Variants in SND1 observed in about 807,000 individuals in gnomAD.
The protein encoded by SND1 is staphylococcal nuclease domain-containing protein 1.
SND1 carries 38 observed loss-of-function variants against 121.7 expected under a neutral mutation model. That is an observed-to-expected ratio of 0.31 (90% confidence interval 0.24 to 0.41). The LOEUF is 0.41. Ranked by LOEUF, SND1 falls within the 10% of genes least tolerant of loss-of-function variation. The pLI is 1.00. For missense variants in SND1, 868 were observed against 1,184.6 expected (o/e 0.73, Z 3.92); for synonymous variants, 401 against 447.4 (o/e 0.90, Z 1.31).
Position 128,029,610 on chromosome 7 carries a change from T to C in SND1, c.1779+38554T>C. 2 of 1,614,004 alleles carry C rather than the reference T, an allele frequency of 1.2e-6. No homozygotes were observed. The highest frequency in any genetic ancestry group is 1.7e-6 in the Non-Finnish European group (2 of 1,180,012). On this transcript the variant is annotated intron_variant, in intron 16 of 23. Coordinates refer to ENST00000354725, the MANE Select transcript of SND1 (RefSeq NM_014390.4). The surrounding 1 kb of genome is among the most constrained non-coding windows in gnomAD (Gnocchi z 4.2). Reference sequence around the variant, plus strand: ...GGCAGAGCACTGGAAGGAGGCCTGGTCCACCTCCACGAGGTAGCGGCCTCG... The same window carrying C: ...GGCAGAGCACTGGAAGGAGGCCTGGCCCACCTCCACGAGGTAGCGGCCTCG...
chr7:128,074,613 C>T lies in SND1; in HGVS notation c.1891C>T (p.His631Tyr). 3 of 1,613,906 alleles carry T rather than the reference C, an allele frequency of 1.9e-6. No homozygotes were observed. The highest frequency in any genetic ancestry group is 1.7e-6 in the Non-Finnish European group (2 of 1,180,010). Residue 631 changes from histidine to tyrosine, a missense_variant, in exon 17 of 24, where the codon CAC (histidine) becomes TAC (tyrosine). Transcript: ENST00000354725. ...GGTGGAGCACGCGCTCTCCAAGGTCCACTTCACCGCCGAACGCAGCTCCTA... is the reference window on the plus strand; with the variant it reads ...GGTGGAGCACGCGCTCTCCAAGGTCTACTTCACCGCCGAACGCAGCTCCTA... ...LLVEHALSKV[H>Y]FTAERSSYYK... is the part of the protein sequence containing the mutation.
At chr7:127,792,750 C>T (rs749888606) in intron 10 of SND1, among the ~76,000 whole-genome samples, 6 of 152,176 alleles carry the variant, frequency 3.9e-5, no homozygotes, top group Non-Finnish European at 7.4e-5. Flanking sequence ...TTGATTGGTT[C>T]TGATGAATCT....
rs570153237 is a variant in SND1, at chr7:128,030,503, G to A, written c.1779+39447G>A. The A allele has an allele frequency of 5.0e-6, 8 of 1,613,406 alleles. No homozygotes were observed. In the African/African-American group the frequency reaches 5.3e-5, roughly 11 times the overall value. ...GGTTACTGCACGAGCAGACGGAGGG[G>A]CAGTTCTGGGGCCCGGCTGAGGCGG... On this transcript the variant is annotated intron_variant, in intron 16 of 23. Transcript: ENST00000354725.
chr7:127,899,729 A>C (rs1800190276), intron 13 of SND1, among the ~76,000 whole-genome samples: 1 of 152,186 alleles, frequency 6.6e-6, no homozygotes. Context: ...ATTCAGTCAA[A>C]GTGTGTGTAG....
At chr7:127,871,511 G>T (rs532593056) in intron 12 of SND1, among the ~76,000 whole-genome samples, 2 of 152,098 alleles carry the variant, frequency 1.3e-5, no homozygotes, top group South Asian at 4.2e-4. Flanking sequence ...ATCCACCTGC[G>T]TATATGTGCT....
intron 16 of SND1, among the ~76,000 whole-genome samples, chr7:128,022,345 A>C (rs900412406): frequency 6.6e-6 from 1 of 152,228 alleles, no homozygotes. Flanking sequence ...AGAATGAACA[A>C]ACCTGAAAGC....
At chr7:128,043,372 G>A (rs948118006) in intron 16 of SND1, among the ~76,000 whole-genome samples, 3 of 151,982 alleles carry the variant, frequency 2.0e-5, no homozygotes, top group African/African-American at 7.3e-5. Flanking sequence ...TCAGGAGTTC[G>A]AGACCAGCTT....
chr7:127,701,180 T>C lies in SND1; in HGVS notation c.446T>C (p.Leu149Pro). 1 of 1,613,996 alleles carries C rather than the reference T, an allele frequency of 6.2e-7. No homozygotes were observed. The highest frequency in any genetic ancestry group is 1.3e-5 in the African/African-American group (1 of 75,006). ...MRANNPEQNR[L>P]SECEEQAKAA... ...TGTCCCAGTCCTGAGCAGAACCGGC[T>C]TTCAGAATGTGAAGAACAAGCAAAG... The change falls in exon 5 of 24, where the codon CTT becomes CCT. Residue 149 changes from leucine (L) to proline (P), a missense_variant. Transcript: ENST00000354725.
intron 15 of SND1, among the ~76,000 whole-genome samples, chr7:127,973,731 A>T (rs986745636): frequency 3.3e-5 from 5 of 152,184 alleles, no homozygotes; most frequent in Admixed American, 1.3e-4. Context: ...TTCCACAATG[A>T]CCTGTGTGGA....
At chr7:127,921,087 G>T (rs1042630733) in intron 14 of SND1, among the ~76,000 whole-genome samples, 3 of 152,158 alleles carry the variant, frequency 2.0e-5, no homozygotes, top group Non-Finnish European at 2.9e-5. Context: ...TGAGAATTGG[G>T]TATTACTTTA....
chr7:128,045,381 C>G (rs537387166), intron 16 of SND1, among the ~76,000 whole-genome samples: 1 of 152,298 alleles, frequency 6.6e-6, no homozygotes, highest in African/African-American at 2.4e-5. Flanking sequence ...TCCCTATGGC[C>G]TCCATCCTGT....
At chr7:127,721,451 G>A (rs1302452220) in intron 10 of SND1, 51 bp downstream of exon 10, 1 of 1,039,094 alleles carries the variant, frequency 9.6e-7, no homozygotes, top group African/African-American at 1.6e-5. Context: ...AAAGGAAGAA[G>A]TTGGAGAATT....
Position 127,652,399 on chromosome 7 carries a change from G to T in SND1, c.26G>T (p.Gly9Val). The T allele has an allele frequency of 6.3e-7, 1 of 1,598,542 alleles. No individual in the cohort carries two copies. The highest frequency in any genetic ancestry group is 8.5e-7 in the Non-Finnish European group (1 of 1,173,328). ...ATGGCGTCCTCCGCGCAGAGCGGCG[G>T]CTCCTCCGGGGGACCCGCGGTCCCC... MASSAQSG[G>V]SSGGPAVPTV... The change falls in exon 1 of 24, where the codon GGC becomes GTC. Residue 9 changes from glycine (G) to valine (V), a missense_variant. Around this residue, in one of 2 missense-constraint regions of SND1, gnomAD observed 125 missense variants for 113.3 expected, o/e 1.10. Coordinates refer to ENST00000354725, the MANE Select transcript of SND1 (RefSeq NM_014390.4).
intron 10 of SND1, among the ~76,000 whole-genome samples, chr7:127,750,190 G>A (rs926355440): frequency 1.3e-5 from 2 of 152,228 alleles, no homozygotes; most frequent in Non-Finnish European, 2.9e-5. Context: ...ATTTGGTTAT[G>A]TAAAGATTCA....
chr7:127,854,777 G>C (rs902454872), intron 12 of SND1, among the ~76,000 whole-genome samples: 4 of 151,714 alleles, frequency 2.6e-5, no homozygotes, highest in Non-Finnish European at 5.9e-5. Context: ...TAATTCCTGT[G>C]GTCAGCACAG....
intron 15 of SND1, among the ~76,000 whole-genome samples, chr7:127,938,538 GAGA>G (rs1400586302): frequency 5.9e-5 from 9 of 152,218 alleles, no homozygotes; most frequent in Non-Finnish European, 1.0e-4. Context: ...TTGAGTTTCC[GAGA>G]AGATCTGCTA....
chr7:127,937,193 G>A (rs879302955), intron 15 of SND1, among the ~76,000 whole-genome samples: 4 of 152,144 alleles, frequency 2.6e-5, no homozygotes, highest in African/African-American at 7.2e-5. Context: ...AGGTGGTACC[G>A]CAGTAAGTTT....
intron 10 of SND1, among the ~76,000 whole-genome samples, chr7:127,756,601 C>T (rs768963938): frequency 1.3e-5 from 2 of 152,162 alleles, no homozygotes; most frequent in African/African-American, 4.8e-5. Context: ...TCTAGAATTC[C>T]TTTTTCCCAC....
chr7:128,071,634 A>G (rs322838), intron 16 of SND1, among the ~76,000 whole-genome samples: 57,360 of 152,118 alleles, frequency 0.38, 11,256 homozygotes, highest in African/African-American at 0.45. Flanking sequence ...AATCTCCGTA[A>G]TTCTCCCAGA....
Sources: allele counts gnomAD v4.1 joint callset (sites outside exome capture counted in the v4.1 genomes callset), GRCh38; gene constraint gnomAD v4.1.1; regional missense constraint gnomAD v4.1.1; non-coding constraint Gnocchi (gnomAD v3.1); transcripts MANE v1.5; gene names NCBI Gene and HGNC (gene_info 2026-07-23, HGNC 2026-07-21).